ABCF3: variants seen among roughly 807,000 people sequenced by gnomAD.
ABCF3 encodes the protein ATP binding cassette subfamily F member 3.
A neutral mutation model predicts 94.3 loss-of-function variants in ABCF3; 62 were observed. The observed-to-expected ratio is 0.66, with a 90% CI of 0.54 to 0.81. The LOEUF is 0.81. ABCF3 is among the 40% of genes least tolerant of loss of function. ABCF3 has a pLI of 0.00. For synonymous variants in ABCF3, 355 were observed against 361.1 expected (o/e 0.98, Z 0.19); for missense variants, 843 against 925.3 (o/e 0.91, Z 1.15).
In ABCF3 at chr3:184,188,232, A is replaced by C; in HGVS notation, c.661A>C (p.Lys221Gln). The change falls in exon 7 of 21, where the codon AAG becomes CAG. Residue 221 changes from lysine (K) to glutamine (Q), a missense_variant. Physicochemically the swap from Lys to Gln is moderately conservative, Grantham distance 53. Transcript: ENST00000429586. ...TGGGTTGGGGAAGACAACGTTACTG[A>C]AGATGCTGGCCACCCGGAGTCTGCG... is the stretch of plus-strand genomic sequence containing the variant. ...RNGLGKTTLL[K>Q]MLATRSLRVP... is the part of the protein sequence containing the mutation. 6.2e-7 allele frequency: 1 copy of C among 1,614,156 alleles called. No individual in the cohort carries two copies. Among genetic ancestry groups the C allele is most frequent in the Non-Finnish European group, 8.5e-7 (1 of 1,180,034 alleles).
chr3:184,189,583 C>T lies in ABCF3; in HGVS notation c.1140C>T (p.Val380=). Reference sequence around the variant, plus strand: ...CGTGGCCCTCCACCATCCTAGTCGTCTCCCACGACCGCAACTTCTTGAATG... The same window carrying T: ...CGTGGCCCTCCACCATCCTAGTCGTTTCCCACGACCGCAACTTCTTGAATG... The part of the protein sequence containing the change: ...LQTWPSTILV[V]SHDRNFLNAI... The change falls in exon 13 of 21, where the codon GTC becomes GTT. Residue 380 remains valine, a synonymous_variant. Transcript: ENST00000429586. 3 of 1,614,222 alleles carry T rather than the reference C, an allele frequency of 1.9e-6. No individual in the cohort carries two copies. The highest frequency in any genetic ancestry group is 2.5e-6 in the Non-Finnish European group (3 of 1,180,042).
chr3:184,192,568 C>G, intron 16 of ABCF3, 33 bp from the exon 17 acceptor site: 2 of 1,579,956 alleles, frequency 1.3e-6, no homozygotes, highest in Non-Finnish European at 1.7e-6. Context: ...ATTTTTCTGG[C>G]ACACACTGTA....
chr3:184,187,832 C>G (rs377494744), intron 5 of ABCF3, 29 bp from the exon 6 acceptor site: 1 of 1,613,926 alleles, frequency 6.2e-7, no homozygotes, highest in Non-Finnish European at 8.5e-7. Context: ...GTGGGGAGCA[C>G]TAAGAGCTGT....
chr3:184,191,470 A>G (rs1401297634), intron 16 of ABCF3, among the ~76,000 whole-genome samples: 1 of 151,730 alleles, frequency 6.6e-6, no homozygotes, highest in Non-Finnish European at 1.5e-5. Flanking sequence ...AGTGTTTTAA[A>G]AATACTTAAA....
chr3:184,187,030 T>TG lies in ABCF3; in HGVS notation c.301+160dup, dbSNP rs1715672662. 1.8e-5 allele frequency: 14 copies of TG among 775,786 alleles called. No individual in the cohort carries two copies. In the South Asian group the frequency reaches 2.4e-4, roughly 14 times the overall value. The allele number at this position is 775,786 out of a possible 1,614,324, so 48.1% of individuals were successfully genotyped here. On this transcript the variant is annotated intron_variant, in intron 3 of 20. Transcript: ENST00000429586. ...TTACCGAGGGCAGAAGAGCCCATGA[T>TG]GGGGGTGGGGAGGAGGTTGGAGGGT...
chr3:184,192,467 T>G, intron 16 of ABCF3, 134 bp from the exon 17 acceptor site: 5 of 867,866 alleles, frequency 5.8e-6, no homozygotes, highest in Non-Finnish European at 8.8e-6. Context: ...CCCTTATCCT[T>G]CCCAGCCTCT....
At chr3:184,190,631 T>G (rs950393367) in intron 14 of ABCF3, 1 of 186,040 alleles carries the variant, frequency 5.4e-6, no homozygotes, top group Non-Finnish European at 1.1e-5. Flanking sequence ...TTAGCCATCC[T>G]AGTGGCTGTG....
At chr3:184,187,836 G>C (rs766546373) in intron 5 of ABCF3, 25 bp from the exon 6 acceptor site, 2 of 1,614,108 alleles carry the variant, frequency 1.2e-6, no homozygotes, top group Non-Finnish European at 1.7e-6. Context: ...GGAGCACTAA[G>C]AGCTGTCCAT....
intron 18 of ABCF3, 99 bp downstream of exon 18, chr3:184,192,995 C>T: frequency 6.4e-7 from 1 of 1,562,842 alleles, no homozygotes; most frequent in East Asian, 2.3e-5. Context: ...TGCAGAGCAG[C>T]CCCGCCAAGC....
chr3:184,186,259 C>T lies in ABCF3; in HGVS notation c.52C>T (p.Gln18Ter). The T allele has an allele frequency of 6.2e-7, 1 of 1,614,250 alleles. No homozygotes were observed. The highest frequency in any genetic ancestry group is 2.2e-5 in the East Asian group (1 of 44,892). ...LRSEFPEIDG[Q>*]VFDYVTGVLH... ...GAGCGAGTTCCCCGAAATTGACGGA[C>T]AAGTCTTCGACTACGTGACCGGTAA... Residue 18 changes from glutamine to a stop codon, truncating the protein, a stop_gained, in exon 1 of 21, where the codon CAA (glutamine) becomes TAA (stop). Transcript: ENST00000429586. LOFTEE classifies it high-confidence loss of function.
In ABCF3 at chr3:184,193,106, G is replaced by A; in HGVS notation, c.1755G>A (p.Arg585=). The A allele has an allele frequency of 6.5e-7, 1 of 1,537,024 alleles. No individual in the cohort carries two copies. Among genetic ancestry groups the A allele is most frequent in the Non-Finnish European group, 8.7e-7 (1 of 1,143,414 alleles). The change falls in exon 19 of 21, where the codon CGG becomes CGA. Residue 585 remains arginine (R), a synonymous_variant. Coordinates refer to ENST00000429586, the MANE Select transcript of ABCF3 (RefSeq NM_018358.3). The surrounding 1 kb of genome is among the most constrained non-coding windows in gnomAD (Gnocchi z 5.2). ...VELLARKFPG[R]PEEEYRHQLG... is the part of the protein sequence containing the mutation. Reference sequence around the variant, plus strand: ...ATCTGGGGAGTCCTTTTCCAGGGCGGCCTGAGGAGGAGTACCGTCACCAGC... The same window carrying A: ...ATCTGGGGAGTCCTTTTCCAGGGCGACCTGAGGAGGAGTACCGTCACCAGC...
In ABCF3 at chr3:184,189,777, T is replaced by C. The variant is rs773040473; in HGVS notation, c.1314+20T>C. 3.8e-5 allele frequency: 61 copies of C among 1,613,828 alleles called. No homozygotes were observed. The highest frequency in any genetic ancestry group is 5.1e-6 in the Non-Finnish European group (6 of 1,179,992). On this transcript the variant is annotated intron_variant, in intron 13 of 20. Transcript: ENST00000429586. ...ATCCAGGTGTGGGGCCTGGCAGGGC[T>C]GGGGGTCCCATCCCAGGGGTTCCAG...
intron 3 of ABCF3, 108 bp from the exon 4 acceptor site, chr3:184,187,289 A>T (rs1715695600): frequency 1.6e-6 from 2 of 1,259,676 alleles, no homozygotes; most frequent in Non-Finnish European, 2.3e-6. Flanking sequence ...CAGTATTATA[A>T]GGTTTTGTAG....
chr3:184,187,812 A>C, intron 5 of ABCF3, 49 bp from the exon 6 acceptor site: 1 of 1,614,104 alleles, frequency 6.2e-7, no homozygotes, highest in Non-Finnish European at 8.5e-7. Flanking sequence ...TTTTGCCTGG[A>C]CAGAAGGTGG....
chr3:184,188,068 G>T (rs1715756300), intron 6 of ABCF3, 73 bp from the exon 7 acceptor site: 1 of 1,611,444 alleles, frequency 6.2e-7, no homozygotes, highest in Non-Finnish European at 8.5e-7. Flanking sequence ...TATAAACAAT[G>T]TTAGGTTTGT....
chr3:184,191,708 G>C (rs1716032771), intron 16 of ABCF3, among the ~76,000 whole-genome samples: 1 of 139,546 alleles, frequency 7.2e-6, no homozygotes, highest in Non-Finnish European at 1.5e-5. Context: ...CTCAAGTATT[G>C]CTCACCTTAG....
chr3:184,187,645 G>A lies in ABCF3; in HGVS notation c.349-19G>A, dbSNP rs1370424166. ...TGAGCCTACACCCGAGAGTGAAGTC[G>A]ATGTGTTTGGACCCTTAGACAGTGA... On this transcript the variant is annotated intron_variant, in intron 4 of 20. Transcript: ENST00000429586. The A allele has an allele frequency of 1.4e-5, 23 of 1,613,548 alleles. No individual in the cohort carries two copies. The highest frequency in any genetic ancestry group is 2.2e-5 in the South Asian group (2 of 91,030).
rs1560134049 is a variant in ABCF3 at position 184,188,929 on chromosome 3, G to A, written c.918G>A (p.Arg306=). 1.9e-6 allele frequency: 3 copies of A among 1,614,134 alleles called. 1 individual carries two copies. Among genetic ancestry groups the A allele is most frequent in the South Asian group, 2.2e-5 (2 of 91,080 alleles). The change falls in exon 9 of 21, where the codon AGG becomes AGA. Residue 306 remains arginine (R), a splice_region_variant and synonymous_variant. Transcript: ENST00000429586. ...EEIEADKAPA[R]ASVILAGLGF... is the part of the protein sequence containing the mutation. ...AGTTCTTCGATTTCTTCTCTACTAG[G>A]GCATCAGTCATTCTCGCTGGGCTTG...
intron 5 of ABCF3, 43 bp from the exon 6 acceptor site, chr3:184,187,818 G>C: frequency 6.2e-7 from 1 of 1,614,126 alleles, no homozygotes; most frequent in Non-Finnish European, 8.5e-7. Flanking sequence ...CTGGACAGAA[G>C]GTGGTGGGGA....
Sources: allele counts gnomAD v4.1 joint callset (sites outside exome capture counted in the v4.1 genomes callset), GRCh38; gene constraint gnomAD v4.1.1; non-coding constraint Gnocchi (gnomAD v3.1); transcripts MANE v1.5; gene names NCBI Gene and HGNC (gene_info 2026-07-23, HGNC 2026-07-21).